The following PDE3A variants were observed in gnomAD, a reference collection of about 807,000 sequenced individuals.
The protein encoded by PDE3A is cGMP-inhibited 3',5'-cyclic phosphodiesterase 3A.
A neutral mutation model predicts 98.3 loss-of-function variants in PDE3A; 43 were observed. The ratio of observed to expected loss-of-function variants is 0.44; its 90% CI spans 0.34 to 0.56. PDE3A has a LOEUF of 0.56. Ranked by LOEUF, PDE3A falls within the 20% of genes least tolerant of loss-of-function variation. The probability of loss-of-function intolerance (pLI) is 0.01; values close to 1 mark genes in which losing one functional copy is unlikely to be tolerated. For missense variants in PDE3A, 1,427 were observed against 1,440.7 expected (o/e 0.99, Z 0.15); for synonymous variants, 663 against 567.9 (o/e 1.17, Z -2.38).
chr12:20,620,150 T>C lies in PDE3A; in HGVS notation c.1425-1146T>C, dbSNP rs567232272. ...TTAGCTCTGGAACCTCTCCAAATTA[T>C]ATCGTATTAATTATAAGCTTATATG... On this transcript the variant is annotated intron_variant, in intron 4 of 15. Coordinates refer to ENST00000359062, the MANE Select transcript of PDE3A (RefSeq NM_000921.5). Among the ~76,000 whole-genome samples, 7 of 152,172 alleles carry C rather than the reference T, an allele frequency of 4.6e-5. No individual in the cohort carries two copies. The South Asian group carries it at 1.5e-3, about 32-fold the overall frequency.
intron 1 of PDE3A, among the ~76,000 whole-genome samples, chr12:20,500,914 TGC>T (rs1946013065): frequency 6.6e-6 from 1 of 151,826 alleles, no homozygotes; most frequent in South Asian, 2.1e-4. Context: ...ACTACAAGTG[TGC>T]GCTACTATGC....
intron 1 of PDE3A, among the ~76,000 whole-genome samples, chr12:20,534,873 A>T (rs1201727151): frequency 6.6e-6 from 1 of 152,240 alleles, no homozygotes; most frequent in Non-Finnish European, 1.5e-5. Flanking sequence ...TAATCATTAA[A>T]TGTGAAAGGG....
chr12:20,637,335 T>A (rs150915901), intron 9 of PDE3A, 98 bp downstream of exon 9: 1 of 827,230 alleles, frequency 1.2e-6, no homozygotes, highest in African/African-American at 1.8e-5. Flanking sequence ...GGATAGGTGT[T>A]ATGTGGAGAA....
At chr12:20,513,644 TTCAGATTTTTTTATGACCTTTTCA>T (rs1173717349) in intron 1 of PDE3A, among the ~76,000 whole-genome samples, 2 of 152,156 alleles carry the variant, frequency 1.3e-5, no homozygotes, top group Non-Finnish European at 2.9e-5. Context: ...TTTCAAGATT[TTCAGATTTTTTTATGACCTTTTCA>T]TCAGTGTCCT....
At chr12:20,384,879 G>A (rs1482612236) in intron 1 of PDE3A, among the ~76,000 whole-genome samples, 1 of 152,090 alleles carries the variant, frequency 6.6e-6, no homozygotes, top group East Asian at 1.9e-4. Flanking sequence ...CTTTATGGCT[G>A]CATAGTATTC....
intron 2 of PDE3A, among the ~76,000 whole-genome samples, chr12:20,573,481 G>A (rs903927973): frequency 2.0e-5 from 3 of 151,848 alleles, no homozygotes; most frequent in Non-Finnish European, 2.9e-5. Context: ...ATGACTTGCT[G>A]AAGTCACTGA....
chr12:20,475,658 A>G lies in PDE3A; in HGVS notation c.961-81002A>G, dbSNP rs532686503. Among the ~76,000 whole-genome samples the G allele has an allele frequency of 3.3e-5, 5 of 152,226 alleles. 1 individual carries two copies. The highest frequency in any genetic ancestry group is 1.2e-4 in the African/African-American group (5 of 41,528). On this transcript the variant is annotated intron_variant, in intron 1 of 15. Coordinates refer to ENST00000359062, the MANE Select transcript of PDE3A (RefSeq NM_000921.5). ...AGTAGGAGGATTGATTGAACCTCGG[A>G]GGCAGAGGTTGCAGTGAGCCGAGAT...
intron 1 of PDE3A, among the ~76,000 whole-genome samples, chr12:20,420,541 G>A (rs1314746674): frequency 6.6e-6 from 1 of 152,138 alleles, no homozygotes; most frequent in Non-Finnish European, 1.5e-5. Flanking sequence ...GGGGCAGGAA[G>A]TTTGAACTGA....
At chr12:20,626,604 T>G (rs1944269354) in intron 5 of PDE3A, among the ~76,000 whole-genome samples, 1 of 152,114 alleles carries the variant, frequency 6.6e-6, no homozygotes, top group Admixed American at 6.6e-5. Context: ...GTTCAAGCAA[T>G]TCTCCTGCCT....
chr12:20,419,170 AT>A (rs889251071), intron 1 of PDE3A, among the ~76,000 whole-genome samples: 2 of 152,190 alleles, frequency 1.3e-5, no homozygotes, highest in Admixed American at 6.6e-5. Context: ...TAGAGCAGTG[AT>A]TTTTAAAGTG....
intron 9 of PDE3A, among the ~76,000 whole-genome samples, chr12:20,638,199 A>G (rs1242808373): frequency 2.0e-5 from 3 of 152,126 alleles, no homozygotes; most frequent in Non-Finnish European, 4.4e-5. Flanking sequence ...GGACCACTCA[A>G]CACATGTCTC....
intron 1 of PDE3A, among the ~76,000 whole-genome samples, chr12:20,425,259 T>G (rs543193230): frequency 1.3e-5 from 2 of 152,028 alleles, no homozygotes; most frequent in Non-Finnish European, 2.9e-5. Context: ...AGCCAGTGGG[T>G]TTTTTTTCCA....
chr12:20,656,669 G>A (rs1945051587), intron 15 of PDE3A, among the ~76,000 whole-genome samples: 1 of 152,036 alleles, frequency 6.6e-6, no homozygotes, highest in Admixed American at 6.6e-5. Flanking sequence ...ATTTCAAAGA[G>A]CCAGGTAGTT....
chr12:20,398,313 C>G (rs558146404), intron 1 of PDE3A, among the ~76,000 whole-genome samples: 1 of 77,024 alleles, frequency 1.3e-5, no homozygotes, highest in African/African-American at 4.4e-5. Flanking sequence ...TTTTTTTTTG[C>G]CTTTAGTGAT....
intron 5 of PDE3A, among the ~76,000 whole-genome samples, chr12:20,624,650 A>G (rs1944215731): frequency 6.6e-6 from 1 of 152,210 alleles, no homozygotes; most frequent in African/African-American, 2.4e-5. Context: ...AGCACAGCTA[A>G]AAGTTTATAA....
intron 1 of PDE3A, among the ~76,000 whole-genome samples, chr12:20,381,086 C>A (rs1019337026): frequency 2.0e-5 from 3 of 151,760 alleles, no homozygotes; most frequent in African/African-American, 7.2e-5. Context: ...GTTTTGTCCA[C>A]TTCTCGTCAT....
At chr12:20,493,780 G>T (rs777097810) in intron 1 of PDE3A, among the ~76,000 whole-genome samples, 1 of 152,116 alleles carries the variant, frequency 6.6e-6, no homozygotes, top group Non-Finnish European at 1.5e-5. Context: ...ACAGGCATGC[G>T]CCACCAAGCC....
At chr12:20,474,638 A>G (rs1945497236) in intron 1 of PDE3A, among the ~76,000 whole-genome samples, 1 of 152,118 alleles carries the variant, frequency 6.6e-6, no homozygotes, top group African/African-American at 2.4e-5. Context: ...TCCACCTTCT[A>G]GAGCTTCATT....
chr12:20,575,098 A>C (rs577833043), intron 2 of PDE3A, among the ~76,000 whole-genome samples: 110 of 152,154 alleles, frequency 7.2e-4, no homozygotes, highest in African/African-American at 2.6e-3. Flanking sequence ...TTTTTCAAGT[A>C]ATTTATGAGG....
Sources: gnomAD v4.1 joint callset for allele counts (sites outside exome capture counted in the v4.1 genomes callset) on GRCh38, gnomAD v4.1.1 for gene constraint, MANE v1.5 for transcripts, NCBI Gene and HGNC (gene_info 2026-07-23, HGNC 2026-07-21) for gene names.